Variants in SH3PXD2B observed in about 807,000 individuals in gnomAD.
SH3PXD2B encodes the protein SH3 and PX domains 2B, also known as SH3 and PX domain-containing protein 2B.
Under a neutral mutation model 73.1 loss-of-function variants are expected in SH3PXD2B, and 37 were observed. That is an observed-to-expected ratio of 0.51 (90% CI 0.39 to 0.67). SH3PXD2B has a LOEUF of 0.67. Among genes scored for constraint, SH3PXD2B ranks in the 30% least tolerant of loss-of-function variants. SH3PXD2B has a pLI of 0.00. For missense variants in SH3PXD2B, 1,053 were observed against 1,197.8 expected, an observed-to-expected ratio of 0.88 and a Z score of 1.78; for synonymous variants, 457 against 480.5, an observed-to-expected ratio of 0.95 and a Z score of 0.64.
intron 4 of SH3PXD2B, among the ~76,000 whole-genome samples, chr5:172,391,236 T>G (rs931751912): frequency 9.9e-5 from 15 of 152,180 alleles, no homozygotes; most frequent in African/African-American, 3.6e-4. Context: ...CTAGTGGCTG[T>G]ATAAGTATCT....
intron 3 of SH3PXD2B, among the ~76,000 whole-genome samples, chr5:172,398,620 G>C (rs1333538836): frequency 6.6e-6 from 1 of 152,202 alleles, no homozygotes; most frequent in African/African-American, 2.4e-5. Flanking sequence ...TCAATATTTA[G>C]GAATGGTGGT....
chr5:172,448,755 G>A (rs1000688958), intron 1 of SH3PXD2B, among the ~76,000 whole-genome samples: 3 of 152,214 alleles, frequency 2.0e-5, no homozygotes, highest in Admixed American at 1.3e-4. Context: ...AAAAACTAAG[G>A]GGGGGCATTC....
intron 6 of SH3PXD2B, among the ~76,000 whole-genome samples, chr5:172,368,231 T>C (rs1757569645): frequency 6.6e-6 from 1 of 151,676 alleles, no homozygotes; most frequent in Non-Finnish European, 1.5e-5. Flanking sequence ...AATGAGACCT[T>C]CCCTGCCTGC....
rs755561017 is a variant in SH3PXD2B at position 172,362,906 on chromosome 5, C to A, written c.428-37G>T. 9 of 1,613,384 alleles carry A rather than the reference C, an allele frequency of 5.6e-6. No individual in the cohort carries two copies. In the African/African-American group the frequency reaches 1.1e-4, roughly 19 times the overall value. On this transcript the variant is annotated intron_variant, in intron 6 of 12. Transcript: ENST00000311601. Reference sequence around the variant, plus strand: ...AAACAGACATGACATCTGGCCACCACTCATGCATGAAAGAGCAGGAGTCAG... The same window carrying A: ...AAACAGACATGACATCTGGCCACCAATCATGCATGAAAGAGCAGGAGTCAG...
intron 4 of SH3PXD2B, among the ~76,000 whole-genome samples, chr5:172,390,458 C>T (rs893752960): frequency 1.3e-5 from 2 of 152,204 alleles, no homozygotes; most frequent in African/African-American, 4.8e-5. Flanking sequence ...TATCAAGGCT[C>T]ATGGCAGCCT....
At chr5:172,409,702 CT>C (rs1201583628) in intron 2 of SH3PXD2B, among the ~76,000 whole-genome samples, 1 of 152,022 alleles carries the variant, frequency 6.6e-6, no homozygotes, top group Non-Finnish European at 1.5e-5. Flanking sequence ...ACCACATTTT[CT>C]TTTTCTTTTT....
Position 172,336,518 on chromosome 5 carries a change from C to T in SH3PXD2B, c.*1851G>A. ...GAGGAAGCTCCTCACGCAGAAGCAG[C>T]CAGCACCCACGTGATAGGGGGTGGA... On this transcript the variant is annotated 3_prime_UTR_variant, in exon 13 of 13. Coordinates refer to ENST00000311601, the MANE Select transcript of SH3PXD2B (RefSeq NM_001017995.3). The T allele has an allele frequency of 1.1e-6, 1 of 946,198 alleles. No homozygotes were observed. The highest frequency in any genetic ancestry group is 1.2e-6 in the Non-Finnish European group (1 of 812,746). The allele number at this position is 946,198 out of a possible 1,614,324, so 58.6% of individuals were successfully genotyped here. A position where few individuals can be genotyped will look rare whatever the true frequency, so the allele number is the denominator to read the frequency against.
In SH3PXD2B at chr5:172,339,150, G is replaced by T. The variant is rs148050566; in HGVS notation, c.1955C>A (p.Thr652Lys). 1 of 1,614,220 alleles carries T rather than the reference G, an allele frequency of 6.2e-7. No homozygotes were observed. The highest frequency in any genetic ancestry group is 1.1e-5 in the South Asian group (1 of 91,090). The change falls in exon 13 of 13, where the codon ACG becomes AAG. Residue 652 changes from threonine (T) to lysine (K), a missense_variant. By Grantham distance (78) the Thr-to-Lys change is moderately conservative. This residue lies in a region of SH3PXD2B where 587 missense variants were observed against 590.7 expected (regional missense o/e 0.99). Coordinates refer to ENST00000311601, the MANE Select transcript of SH3PXD2B (RefSeq NM_001017995.3). The surrounding 1 kb of genome is among the most constrained non-coding windows in gnomAD (Gnocchi z 6.1). Reference protein sequence around the residue: ...VRPKPAPSPKTEPPQGEDQVD... With the variant: ...VRPKPAPSPKKEPPQGEDQVD... ...TTGGTCTTCGCCCTGAGGTGGCTCC[G>T]TTTTGGGGGAAGGAGCTGGTTTTGG... is the stretch of plus-strand genomic sequence containing the variant.
At chr5:172,435,662 G>A (rs1759371505) in intron 1 of SH3PXD2B, among the ~76,000 whole-genome samples, 1 of 152,060 alleles carries the variant, frequency 6.6e-6, no homozygotes, top group Non-Finnish European at 1.5e-5. Context: ...GGCCTCAAGC[G>A]ATCTACCTGC....
At chr5:172,411,319 C>T (rs1047657495) in intron 2 of SH3PXD2B, among the ~76,000 whole-genome samples, 1 of 152,116 alleles carries the variant, frequency 6.6e-6, no homozygotes, top group African/African-American at 2.4e-5. Flanking sequence ...CAATGAGTCC[C>T]TGCCACTGCT....
chr5:172,392,480 T>C (rs1758212635), intron 4 of SH3PXD2B, among the ~76,000 whole-genome samples: 1 of 152,130 alleles, frequency 6.6e-6, no homozygotes. Flanking sequence ...TTAAAAAGAC[T>C]ATCCTTTTCG....
intron 1 of SH3PXD2B, among the ~76,000 whole-genome samples, chr5:172,435,945 G>A (rs1425258943): frequency 6.6e-6 from 1 of 152,242 alleles, no homozygotes; most frequent in Non-Finnish European, 1.5e-5. Context: ...TCTGCCAGGG[G>A]CAGGGGCTGA....
chr5:172,436,025 A>C (rs1269244926), intron 1 of SH3PXD2B, among the ~76,000 whole-genome samples: 1 of 152,222 alleles, frequency 6.6e-6, no homozygotes, highest in East Asian at 1.9e-4. Context: ...TTACAAATGA[A>C]GATAGGGAGG....
Position 172,350,587 on chromosome 5 carries a change from T to C in SH3PXD2B, c.788A>G (p.Tyr263Cys), listed in dbSNP as rs975027966. ...KNLEGWWKIR[Y>C]QGKEGWAPAS... ...GGGGGCCCAGCCTTCTTTGCCCTGG[T>C]ACCTGTGAAGAGGAGGAAGGATGCT... The change falls in exon 10 of 13, where the codon TAC (tyrosine) becomes TGC (cysteine). Residue 263 changes from tyrosine to cysteine, a missense_variant and splice_region_variant. Transcript: ENST00000311601. 1 of 1,605,350 alleles carries C rather than the reference T, an allele frequency of 6.2e-7. No individual in the cohort carries two copies. Among genetic ancestry groups the C allele is most frequent in the African/African-American group, 1.3e-5 (1 of 74,778 alleles).
chr5:172,405,046 A>G (rs1758520579), intron 3 of SH3PXD2B, among the ~76,000 whole-genome samples: 1 of 152,256 alleles, frequency 6.6e-6, no homozygotes, highest in South Asian at 2.1e-4. Flanking sequence ...ACTGGCCCAC[A>G]GTAGGGAGCT....
At chr5:172,450,165 A>T (rs1387178837) in intron 1 of SH3PXD2B, among the ~76,000 whole-genome samples, 1 of 152,164 alleles carries the variant, frequency 6.6e-6, no homozygotes, top group Non-Finnish European at 1.5e-5. Flanking sequence ...CTTTAAAAAT[A>T]AGTGAATTGC....
At chr5:172,439,291 AC>A (rs10553170) in intron 1 of SH3PXD2B, among the ~76,000 whole-genome samples, 12 of 51,328 alleles carry the variant, frequency 2.3e-4, no homozygotes, top group South Asian at 1.1e-3. Context: ...CAAAAAAAAA[AC>A]CCCAAAAAAA....
chr5:172,452,606 C>T (rs1581351490), intron 1 of SH3PXD2B, among the ~76,000 whole-genome samples: 1 of 152,124 alleles, frequency 6.6e-6, no homozygotes, highest in Non-Finnish European at 1.5e-5. Flanking sequence ...CTGATATGGG[C>T]GTGATAGGAG....
intron 3 of SH3PXD2B, among the ~76,000 whole-genome samples, chr5:172,404,062 A>T (rs1173048633): frequency 6.6e-6 from 1 of 152,238 alleles, no homozygotes; most frequent in Non-Finnish European, 1.5e-5. Flanking sequence ...CAGGAAAGAA[A>T]ATTCCAGCAT....
Sources: allele counts gnomAD v4.1 joint callset (sites outside exome capture counted in the v4.1 genomes callset), GRCh38; gene constraint gnomAD v4.1.1; regional missense constraint gnomAD v4.1.1; non-coding constraint Gnocchi (gnomAD v3.1); transcripts MANE v1.5; gene names NCBI Gene and HGNC (gene_info 2026-07-23, HGNC 2026-07-21).